Variants in VPS13B observed in about 807,000 individuals in gnomAD.
The protein encoded by VPS13B is vacuolar protein sorting 13 homolog B.
A neutral mutation model predicts 426.4 loss-of-function variants in VPS13B; 285 were observed. The observed-to-expected ratio is 0.67, with a 90% CI of 0.61 to 0.74. The LOEUF is 0.74. Among genes scored for constraint, VPS13B ranks in the 30% least tolerant of loss-of-function variants. The probability of loss-of-function intolerance (pLI) is 0.00; values close to 1 mark genes in which losing one functional copy is unlikely to be tolerated. For missense variants in VPS13B, 4,537 were observed against 4,782.6 expected, an observed-to-expected ratio of 0.95 and a Z score of 1.51; for synonymous variants, 1,676 against 1,676.4, an observed-to-expected ratio of 1.00 and a Z score of 0.01.
chr8:99,057,669 A>G (rs536730255), intron 3 of VPS13B, among the ~76,000 whole-genome samples: 15 of 152,246 alleles, frequency 9.9e-5, no homozygotes, highest in African/African-American at 3.6e-4. Flanking sequence ...GCCTTCACCT[A>G]TATGTCCCAT....
At chr8:99,815,786 T>C (rs543582340) in intron 44 of VPS13B, among the ~76,000 whole-genome samples, 200 of 152,304 alleles carry the variant, frequency 1.3e-3, no homozygotes, top group African/African-American at 4.6e-3. Flanking sequence ...TTCACCACCG[T>C]ATTAAATTTT....
chr8:99,796,906 A>C (rs1397858211), intron 43 of VPS13B: 2 of 152,248 alleles, frequency 1.3e-5, no homozygotes, highest in Non-Finnish European at 2.9e-5. Flanking sequence ...AGGCCTATTG[A>C]ACCTGGGCTC....
At chr8:99,863,291 T>C (rs1288489802) in intron 58 of VPS13B, among the ~76,000 whole-genome samples, 1 of 152,174 alleles carries the variant, frequency 6.6e-6, no homozygotes, top group Non-Finnish European at 1.5e-5. Flanking sequence ...AAAGAAATAT[T>C]TGAGCAACGG....
intron 17 of VPS13B, among the ~76,000 whole-genome samples, chr8:99,203,995 T>C (rs1391796533): frequency 1.3e-5 from 2 of 152,286 alleles, no homozygotes; most frequent in Middle Eastern, 3.4e-3. Flanking sequence ...CTCAACAGAA[T>C]TGGCAAAAAC....
intron 54 of VPS13B, among the ~76,000 whole-genome samples, chr8:99,837,749 T>C (rs900483585): frequency 6.6e-6 from 1 of 152,242 alleles, no homozygotes; most frequent in Middle Eastern, 3.4e-3. Flanking sequence ...TCCTCAGTAA[T>C]ATCCCAGGGC....
At chr8:99,712,870 T>A (rs1832760412) in intron 36 of VPS13B, among the ~76,000 whole-genome samples, 1 of 152,078 alleles carries the variant, frequency 6.6e-6, no homozygotes. Context: ...CTTGCCCTAG[T>A]CAATAAAGTC....
rs72674662 is a variant in VPS13B, at chr8:99,571,891, A to T, written c.4950-3767A>T. Among the ~76,000 whole-genome samples the T allele has an allele frequency of 8.0e-3, 1,213 of 152,274 alleles. 11 individuals carry two copies. Among genetic ancestry groups the T allele is most frequent in the South Asian group, 0.039 (189 of 4,828 alleles). On this transcript the variant is annotated intron_variant, in intron 31 of 61. Transcript: ENST00000357162. ...GAAATCCAATACTTATGTGTCATAG[A>T]ACCAGATGATCCAATTTGCTTTTTT...
intron 31 of VPS13B, among the ~76,000 whole-genome samples, chr8:99,557,852 G>A (rs1481715337): frequency 6.6e-6 from 1 of 152,094 alleles, no homozygotes; most frequent in African/African-American, 2.4e-5. Flanking sequence ...GCGGTATTAG[G>A]CATTAAAGCT....
chr8:99,361,377 T>C (rs1812548090), intron 19 of VPS13B, among the ~76,000 whole-genome samples: 1 of 152,208 alleles, frequency 6.6e-6, no homozygotes, highest in Non-Finnish European at 1.5e-5. Context: ...GGTCTTTGAA[T>C]GGTCTCTTTT....
chr8:99,187,150 A>T (rs1813264628), intron 16 of VPS13B, among the ~76,000 whole-genome samples: 1 of 152,160 alleles, frequency 6.6e-6, no homozygotes, highest in South Asian at 2.1e-4. Context: ...TTCGTATTAT[A>T]GGAGATATTC....
intron 33 of VPS13B, among the ~76,000 whole-genome samples, chr8:99,616,307 A>G (rs371954446): frequency 6.6e-6 from 1 of 152,156 alleles, no homozygotes; most frequent in African/African-American, 2.4e-5. Context: ...ACCTAGATGG[A>G]TAATTTTTTA....
intron 19 of VPS13B, among the ~76,000 whole-genome samples, chr8:99,356,645 TCAAACAAA>T (rs776755821): frequency 2.6e-5 from 4 of 152,082 alleles, no homozygotes; most frequent in Non-Finnish European, 5.9e-5. Flanking sequence ...ACACCCTGTC[TCAAACAAA>T]CAAACAAACA....
chr8:99,367,233 T>C (rs1052786323), intron 19 of VPS13B, among the ~76,000 whole-genome samples: 1 of 152,238 alleles, frequency 6.6e-6, no homozygotes, highest in African/African-American at 2.4e-5. Flanking sequence ...TAAGTCTTTA[T>C]TTCTCCTTCA....
chr8:99,472,151 G>A (rs965869062), intron 24 of VPS13B, among the ~76,000 whole-genome samples: 5 of 151,970 alleles, frequency 3.3e-5, no homozygotes, highest in Non-Finnish European at 5.9e-5. Flanking sequence ...TTCTAGAATC[G>A]TAGTAGGAAA....
intron 19 of VPS13B, among the ~76,000 whole-genome samples, chr8:99,365,607 C>T (rs1812831305): frequency 6.7e-6 from 1 of 149,000 alleles, no homozygotes; most frequent in African/African-American, 2.5e-5. Context: ...ACCACTGCCT[C>T]CCGGGTTCAA....
At chr8:99,843,014 A>G (rs1310720413) in intron 54 of VPS13B, among the ~76,000 whole-genome samples, 1 of 151,912 alleles carries the variant, frequency 6.6e-6, no homozygotes, top group African/African-American at 2.4e-5. Flanking sequence ...TTAGCTGGAC[A>G]TGGTGGCAAA....
intron 19 of VPS13B, among the ~76,000 whole-genome samples, chr8:99,360,598 T>A (rs1165425272): frequency 6.6e-6 from 1 of 152,116 alleles, no homozygotes; most frequent in Non-Finnish European, 1.5e-5. Context: ...AAACATTTTG[T>A]TATAAACTTG....
chr8:99,491,996 GTTC>G (rs1399826245), intron 25 of VPS13B, among the ~76,000 whole-genome samples: 2 of 152,104 alleles, frequency 1.3e-5, no homozygotes, highest in Non-Finnish European at 2.9e-5. Context: ...CCTCTTTGTG[GTTC>G]TATCTACCTT....
At chr8:99,507,457 T>C (rs1821561383) in intron 28 of VPS13B, among the ~76,000 whole-genome samples, 1 of 152,226 alleles carries the variant, frequency 6.6e-6, no homozygotes, top group African/African-American at 2.4e-5. Flanking sequence ...TTTGTTAATA[T>C]ACTTTATCTT....
Sources: gnomAD v4.1 joint callset for allele counts (sites outside exome capture counted in the v4.1 genomes callset) on GRCh38, gnomAD v4.1.1 for gene constraint, MANE v1.5 for transcripts, NCBI Gene and HGNC (gene_info 2026-07-23, HGNC 2026-07-21) for gene names.